Variants in CCDC178 observed in about 807,000 individuals in gnomAD.
CCDC178 encodes the protein coiled-coil domain-containing protein 178.
A neutral mutation model predicts 117.4 loss-of-function variants in CCDC178; 126 were observed. The ratio of observed to expected loss-of-function variants is 1.07; its 90% CI spans 0.93 to 1.24. The LOEUF (loss-of-function observed/expected upper bound fraction) is 1.24, where lower values mean the gene tolerates loss of function less well. Among genes scored for constraint, CCDC178 ranks in the 50% most tolerant of loss-of-function variants. The pLI, the probability that CCDC178 is intolerant of heterozygous loss-of-function variation, is 0.00. For missense variants in CCDC178, 1,030 were observed against 986.9 expected (o/e 1.04, Z -0.59); for synonymous variants, 283 against 313.4 (o/e 0.90, Z 1.02).
intron 20 of CCDC178, among the ~76,000 whole-genome samples, chr18:33,143,342 C>T (rs975128450): frequency 1.3e-5 from 2 of 152,090 alleles, no homozygotes; most frequent in South Asian, 2.1e-4. Flanking sequence ...AACCTAGAAG[C>T]AGAATATAAG....
intron 12 of CCDC178, among the ~76,000 whole-genome samples, chr18:33,271,851 A>T (rs1330936629): frequency 6.6e-6 from 1 of 151,550 alleles, no homozygotes; most frequent in Non-Finnish European, 1.5e-5. Context: ...ATGATTAGAA[A>T]ATATTTTGAG....
chr18:33,092,746 T>C lies in CCDC178; in HGVS notation c.2388+15A>G, dbSNP rs1292372700. On this transcript the variant is annotated intron_variant, in intron 21 of 22. Coordinates refer to ENST00000383096, the MANE Select transcript of CCDC178 (RefSeq NM_001105528.4). ...ACATAAATCATCACCTTAAAACAAT[T>C]AGAAAAACCAATACCTGTTTCTTAT... 1.3e-6 allele frequency: 2 copies of C among 1,519,878 alleles called. No individual in the cohort carries two copies. The highest frequency in any genetic ancestry group is 1.8e-6 in the Non-Finnish European group (2 of 1,111,904). 94.1% of individuals were successfully genotyped at this position (1,519,878 alleles called of 1,614,324 possible).
chr18:32,992,103 T>A (rs2144744838), intron 21 of CCDC178, among the ~76,000 whole-genome samples: 1 of 152,336 alleles, frequency 6.6e-6, no homozygotes, highest in South Asian at 2.1e-4. Flanking sequence ...AATTTTATTA[T>A]ATTTTCTGTC....
At chr18:33,102,321 C>CG (rs1445189495) in intron 20 of CCDC178, among the ~76,000 whole-genome samples, 4 of 151,058 alleles carry the variant, frequency 2.6e-5, no homozygotes, top group Non-Finnish European at 5.9e-5. Context: ...TTGCAGAACC[C>CG]TTAAGATTCT....
intron 21 of CCDC178, among the ~76,000 whole-genome samples, chr18:33,086,589 G>T (rs1267488212): frequency 6.6e-6 from 1 of 151,928 alleles, no homozygotes. Flanking sequence ...AGGGTTAACA[G>T]AGTTAACAGA....
chr18:33,212,083 T>C lies in CCDC178; in HGVS notation c.2079-28A>G, dbSNP rs763905222. On this transcript the variant is annotated intron_variant, in intron 19 of 22. Transcript: ENST00000383096. Reference sequence around the variant, plus strand: ...GTGAAGAAAGAATTCCATGTGCCACTAATCAATTCACATTTTATTTTTCAA... The same window carrying C: ...GTGAAGAAAGAATTCCATGTGCCACCAATCAATTCACATTTTATTTTTCAA... The C allele has an allele frequency of 1.5e-5, 23 of 1,494,548 alleles. No individual in the cohort carries two copies. The East Asian group carries it at 5.1e-4, about 33-fold the overall frequency. The allele number at this position is 1,494,548 out of a possible 1,614,324, so 92.6% of individuals were successfully genotyped here.
chr18:33,320,013 G>T (rs2062482067), intron 11 of CCDC178, among the ~76,000 whole-genome samples: 1 of 152,140 alleles, frequency 6.6e-6, no homozygotes, highest in Admixed American at 6.5e-5. Context: ...CTCAATAGAT[G>T]CAGAAAAGGC....
At chr18:33,209,067 AT>A (rs2059078423) in intron 20 of CCDC178, among the ~76,000 whole-genome samples, 1 of 152,020 alleles carries the variant, frequency 6.6e-6, no homozygotes, top group Non-Finnish European at 1.5e-5. Context: ...ATAACCTACA[AT>A]TTTGTATAGA....
chr18:33,039,879 T>C (rs886083367), intron 21 of CCDC178, among the ~76,000 whole-genome samples: 3 of 151,966 alleles, frequency 2.0e-5, no homozygotes, highest in Admixed American at 6.6e-5. Flanking sequence ...AGAAAGACAC[T>C]TATTTGCCTT....
chr18:33,095,586 A>C (rs2057529847), intron 20 of CCDC178, among the ~76,000 whole-genome samples: 1 of 152,036 alleles, frequency 6.6e-6, no homozygotes, highest in Non-Finnish European at 1.5e-5. Context: ...GCAGGTGCAC[A>C]CGTTTTCAGT....
intron 11 of CCDC178, among the ~76,000 whole-genome samples, chr18:33,296,302 AG>A (rs1417479535): frequency 1.3e-5 from 2 of 152,122 alleles, no homozygotes; most frequent in Non-Finnish European, 2.9e-5. Context: ...ATGAATAAAA[AG>A]GGTAGCACAA....
intron 21 of CCDC178, among the ~76,000 whole-genome samples, chr18:33,065,873 T>G (rs1240869672): frequency 1.3e-5 from 2 of 150,502 alleles, no homozygotes; most frequent in Admixed American, 6.6e-5. Flanking sequence ...TTTTTTTTTT[T>G]TTTTTTGAGA....
chr18:32,948,190 C>A (rs2144613953), intron 22 of CCDC178, among the ~76,000 whole-genome samples: 1 of 152,074 alleles, frequency 6.6e-6, no homozygotes, highest in South Asian at 2.1e-4. Flanking sequence ...ATGTCCTTTC[C>A]ATTTCCTTGT....
chr18:33,148,944 G>T (rs1353087637), intron 20 of CCDC178, among the ~76,000 whole-genome samples: 1 of 152,184 alleles, frequency 6.6e-6, no homozygotes, highest in Admixed American at 6.5e-5. Flanking sequence ...GCTATTCCCA[G>T]CCCCCTTGCT....
Position 33,152,871 on chromosome 18 carries a change from G to T in CCDC178, c.2238+59025C>A, listed in dbSNP as rs193162564. ...ATCCAATGCTAGGAAGTGGCAAAGA[G>T]AATGCCTTGACATACTTTGAAGTTA... On this transcript the variant is annotated intron_variant, in intron 20 of 22. Coordinates refer to ENST00000383096, the MANE Select transcript of CCDC178 (RefSeq NM_001105528.4). 3.0e-3 allele frequency among the ~76,000 whole-genome samples: 451 copies of T among 152,138 alleles called. 3 individuals are homozygous for T. Among genetic ancestry groups the T allele is most frequent in the African/African-American group, 0.011 (439 of 41,496 alleles).
At chr18:33,147,651 A>G (rs555045970) in intron 20 of CCDC178, among the ~76,000 whole-genome samples, 1 of 152,128 alleles carries the variant, frequency 6.6e-6, no homozygotes, top group South Asian at 2.1e-4. Flanking sequence ...CCCTGAGTGG[A>G]CACAGCACAT....
intron 22 of CCDC178, among the ~76,000 whole-genome samples, chr18:32,970,267 G>C (rs544709861): frequency 1.3e-5 from 2 of 152,044 alleles, no homozygotes; most frequent in South Asian, 4.1e-4. Context: ...TGCCAGTCAT[G>C]CCTTTGTGTG....
intron 20 of CCDC178, among the ~76,000 whole-genome samples, chr18:33,153,697 A>G (rs2058363391): frequency 6.6e-6 from 1 of 152,160 alleles, no homozygotes; most frequent in Non-Finnish European, 1.5e-5. Context: ...TAAAAATACA[A>G]GAATTAGAAA....
At chr18:32,974,443 T>C in intron 22 of CCDC178, 104 bp downstream of exon 22, 1 of 1,121,472 alleles carries the variant, frequency 8.9e-7, no homozygotes, top group South Asian at 1.4e-5. Flanking sequence ...TAAAAATTTA[T>C]AAAACTCTGA....
Sources: allele counts gnomAD v4.1 joint callset (sites outside exome capture counted in the v4.1 genomes callset), GRCh38; gene constraint gnomAD v4.1.1; transcripts MANE v1.5; gene names NCBI Gene and HGNC (gene_info 2026-07-23, HGNC 2026-07-21).